Variants in VTI1A observed in about 807,000 individuals in gnomAD.
VTI1A encodes the protein vesicle transport through interaction with t-SNAREs 1A.
VTI1A carries 22 observed loss-of-function variants against 34.9 expected under a neutral mutation model. The observed-to-expected ratio is 0.63, with a 90% CI of 0.45 to 0.90. The LOEUF is 0.90. VTI1A is among the 40% of genes least tolerant of loss of function. The probability of loss-of-function intolerance (pLI) is 0.00; values close to 1 mark genes in which losing one functional copy is unlikely to be tolerated. For missense variants in VTI1A, 268 were observed against 275.6 expected (o/e 0.97, Z 0.20); for synonymous variants, 87 against 97.3 (o/e 0.89, Z 0.62).
chr10:112,502,000 T>C (rs962902147), intron 3 of VTI1A, among the ~76,000 whole-genome samples: 14 of 150,954 alleles, frequency 9.3e-5, no homozygotes, highest in Admixed American at 1.3e-4. Flanking sequence ...AATATCTCTC[T>C]GCCCATGTTC....
chr10:112,841,110 G>A, the VTI1A span, among the ~76,000 whole-genome samples: 256 of 152,220 alleles, frequency 1.7e-3, 1 homozygote, highest in African/African-American at 5.8e-3. Flanking sequence ...CCCCCAGAGC[G>A]AACCACTTTC....
intron 5 of VTI1A, among the ~76,000 whole-genome samples, chr10:112,643,021 T>G (rs1846637221): frequency 6.7e-6 from 1 of 149,470 alleles, no homozygotes; most frequent in South Asian, 2.1e-4. Context: ...CTCACTCTTG[T>G]CACCCCAGGC....
chr10:112,812,538 C>A (rs115589815), intron 7 of VTI1A, among the ~76,000 whole-genome samples: 1 of 152,172 alleles, frequency 6.6e-6, no homozygotes, highest in African/African-American at 2.4e-5. Context: ...CCTGTATTTC[C>A]CCCTTCCAAA....
At position 112,546,043 on chromosome 10, in the gene VTI1A, T is replaced by TATATACGTGTATACGCGTATGTGTGTGC. The variant is rs1564821477; in HGVS notation, c.427+7740_427+7741insCATATACGTGTATACGCGTATGTGTGTG. ...ATACGTGTATACGCGTATGTGTGTG[T>TATATACGTGTATACGCGTATGTGTGTGC]ATATACGTGTATACGCGTATGTGTG... On this transcript the variant is annotated intron_variant, in intron 5 of 7. Transcript: ENST00000393077. Among the ~76,000 whole-genome samples, 73 of 141,658 alleles carry TATATACGTGTATACGCGTATGTGTGTGC rather than the reference T, an allele frequency of 5.2e-4. 3 individuals carry two copies. The highest frequency in any genetic ancestry group is 1.1e-3 in the Non-Finnish European group (66 of 62,732). The allele number at this position is 141,658 out of a possible 152,430, so 92.9% of individuals were successfully genotyped here.
chr10:112,596,066 A>G, intron 5 of VTI1A, among the ~76,000 whole-genome samples: 1 of 151,638 alleles, frequency 6.6e-6, no homozygotes, highest in East Asian at 1.9e-4. Context: ...GCAAGGACAA[A>G]AAACCAAACA....
At chr10:112,808,458 T>A (rs1000419502) in intron 7 of VTI1A, among the ~76,000 whole-genome samples, 2 of 151,756 alleles carry the variant, frequency 1.3e-5, no homozygotes, top group Non-Finnish European at 2.9e-5. Context: ...AAACCTCATC[T>A]CTACTAAAAA....
intron 7 of VTI1A, among the ~76,000 whole-genome samples, chr10:112,676,391 G>C (rs117161620): frequency 6.6e-6 from 1 of 151,940 alleles, no homozygotes; most frequent in African/African-American, 2.4e-5. Context: ...TGTTTAGGGA[G>C]GGGGGGCTCC....
intron 7 of VTI1A, among the ~76,000 whole-genome samples, chr10:112,788,056 T>C (rs1298278512): frequency 1.3e-5 from 2 of 151,682 alleles, no homozygotes; most frequent in African/African-American, 4.8e-5. Context: ...AGAGAACATA[T>C]TTTTTATTAT....
intron 7 of VTI1A, among the ~76,000 whole-genome samples, chr10:112,813,364 C>T (rs760194498): frequency 5.3e-5 from 8 of 152,224 alleles, no homozygotes; most frequent in Admixed American, 6.5e-5. Context: ...CCAAGCTGTA[C>T]AAGAGACACA....
At chr10:112,548,705 A>G in intron 5 of VTI1A, 3 of 1,290,226 alleles carry the variant, frequency 2.3e-6, no homozygotes, top group South Asian at 1.2e-5. Context: ...TGCTTTGATG[A>G]CACCCACAGC....
rs6144094 is a variant in VTI1A at position 112,618,524 on chromosome 10, T to TAGAGAGAGAGAGAGAG, written c.428-49685_428-49670dup. Among the ~76,000 whole-genome samples the TAGAGAGAGAGAGAGAG allele has an allele frequency of 7.5e-3, 260 of 34,536 alleles. 9 individuals carry two copies. The highest frequency in any genetic ancestry group is 0.011 in the African/African-American group (66 of 6,140). 22.7% of individuals were successfully genotyped at this position (34,536 alleles called of 152,430 possible). A position where few individuals can be genotyped will look rare whatever the true frequency, so the allele number is the denominator to read the frequency against. The stretch of plus-strand genomic sequence containing the variant: ...ATATATATATATATATATATATATA[T>TAGAGAGAGAGAGAGAG]AGAGAGAGAGAGAGAGAGAGAGAGT... On this transcript the variant is annotated intron_variant, in intron 5 of 7. Coordinates refer to ENST00000393077, the MANE Select transcript of VTI1A (RefSeq NM_145206.4).
At chr10:112,751,475 T>TA (rs11411829) in intron 7 of VTI1A, among the ~76,000 whole-genome samples, 24,180 of 100,572 alleles carry the variant, frequency 0.24, 2,538 homozygotes, top group Non-Finnish European at 0.3. Context: ...ATTAACTGTT[T>TA]AAAAAAAAAA....
intron 5 of VTI1A, among the ~76,000 whole-genome samples, chr10:112,661,764 GTT>G (rs34974968): frequency 0.053 from 5,609 of 105,864 alleles, 267 homozygotes; most frequent in African/African-American, 0.2. Context: ...CTGCTGTTAA[GTT>G]TTTTTTTTTT....
At chr10:112,674,443 A>G (rs1171610911) in intron 7 of VTI1A, among the ~76,000 whole-genome samples, 4 of 152,140 alleles carry the variant, frequency 2.6e-5, no homozygotes, top group African/African-American at 9.7e-5. Flanking sequence ...TTGTCCTACG[A>G]CCTCTTCAAG....
chr10:112,469,714 A>G (rs117299144), intron 3 of VTI1A, among the ~76,000 whole-genome samples: 1,671 of 152,246 alleles, frequency 0.011, 18 homozygotes, highest in Middle Eastern at 0.02. Context: ...CCTCTAAAAT[A>G]TCCATTCAAT....
intron 7 of VTI1A, among the ~76,000 whole-genome samples, chr10:112,802,657 T>C (rs1852914187): frequency 6.6e-6 from 1 of 152,138 alleles, no homozygotes; most frequent in African/African-American, 2.4e-5. Flanking sequence ...CACCAAAGAG[T>C]AGAGCCGGGT....
intron 3 of VTI1A, among the ~76,000 whole-genome samples, chr10:112,468,648 G>A (rs1283633336): frequency 1.3e-5 from 2 of 152,148 alleles, no homozygotes; most frequent in Non-Finnish European, 2.9e-5. Flanking sequence ...CCCTTTGGAT[G>A]CCTGGATCCT....
In VTI1A at chr10:112,603,244, T is replaced by C. The variant is rs188004742; in HGVS notation, c.427+64914T>C. On this transcript the variant is annotated intron_variant, in intron 5 of 7. Transcript: ENST00000393077. ...TATAACAAGCTAAACCCAAATGAAG[T>C]TGGACATTGCTAACTGGGAGCTTGT... is the stretch of plus-strand genomic sequence containing the variant. 6.6e-4 allele frequency among the ~76,000 whole-genome samples: 100 copies of C among 152,296 alleles called. No individual in the cohort carries two copies. The East Asian group carries it at 0.016, about 24-fold the overall frequency.
intron 3 of VTI1A, among the ~76,000 whole-genome samples, chr10:112,500,210 G>A (rs887742198): frequency 1.3e-5 from 2 of 152,106 alleles, no homozygotes; most frequent in Non-Finnish European, 2.9e-5. Context: ...GCCAAGGTGG[G>A]CGGATCATGA....
Sources: allele counts gnomAD v4.1 joint callset (sites outside exome capture counted in the v4.1 genomes callset), GRCh38; gene constraint gnomAD v4.1.1; transcripts MANE v1.5; gene names NCBI Gene and HGNC (gene_info 2026-07-23, HGNC 2026-07-21).